NXPH1: variants seen among roughly 807,000 people sequenced by gnomAD.
NXPH1 encodes the protein neurexophilin-1.
Under a neutral mutation model 23.7 loss-of-function variants are expected in NXPH1, and 5 were observed. That is an observed-to-expected ratio of 0.21 (90% CI 0.11 to 0.44). The LOEUF (loss-of-function observed/expected upper bound fraction) is 0.44. Among genes scored for constraint, NXPH1 ranks in the 20% least tolerant of loss-of-function variants. The probability of loss-of-function intolerance (pLI) is 0.99; values close to 1 mark genes in which losing one functional copy is unlikely to be tolerated. For missense variants in NXPH1, 324 were observed against 321.6 expected (o/e 1.01, Z -0.06); for synonymous variants, 144 against 122.2 (o/e 1.18, Z -1.18).
chr7:8,606,610 C>T (rs1379341713), intron 2 of NXPH1, among the ~76,000 whole-genome samples: 1 of 152,084 alleles, frequency 6.6e-6, no homozygotes, highest in African/African-American at 2.4e-5. Context: ...GGTTTTTGAC[C>T]CTCCTTTTGT....
chr7:8,475,865 C>A (rs1816961398), intron 2 of NXPH1, among the ~76,000 whole-genome samples: 1 of 152,156 alleles, frequency 6.6e-6, no homozygotes, highest in Non-Finnish European at 1.5e-5. Flanking sequence ...TTATCTTGAA[C>A]TGGCATTTGA....
intron 2 of NXPH1, among the ~76,000 whole-genome samples, chr7:8,660,400 A>C (rs964609336): frequency 3.3e-5 from 5 of 152,186 alleles, no homozygotes; most frequent in African/African-American, 1.2e-4. Flanking sequence ...ACACGGGTGA[A>C]AGTTTTGAAA....
At position 8,435,786 on chromosome 7, in the gene NXPH1, G is replaced by C. The variant is rs760191562; in HGVS notation, c.54+19G>C. 29 of 1,613,402 alleles carry C rather than the reference G, an allele frequency of 1.8e-5. No individual in the cohort carries two copies. Among genetic ancestry groups the C allele is most frequent in the African/African-American group, 1.3e-5 (1 of 74,892 alleles). ...CTACTTGGTAAGTCTTGGAAGGTTCGGGGCTTTCGCATTTTTACCCCGGCC... is the reference window on the plus strand; with the variant it reads ...CTACTTGGTAAGTCTTGGAAGGTTCCGGGCTTTCGCATTTTTACCCCGGCC... On this transcript the variant is annotated intron_variant, in intron 2 of 2. Coordinates refer to ENST00000405863, the MANE Select transcript of NXPH1 (RefSeq NM_152745.3). The surrounding 1 kb of genome is among the most constrained non-coding windows in gnomAD (Gnocchi z 5.9).
At chr7:8,436,514 G>A (rs1816198820) in intron 2 of NXPH1, among the ~76,000 whole-genome samples, 1 of 152,202 alleles carries the variant, frequency 6.6e-6, no homozygotes, top group African/African-American at 2.4e-5. Flanking sequence ...GCTGGACTTT[G>A]TACACTGCTG....
chr7:8,590,768 AG>A (rs1265577711), intron 2 of NXPH1, among the ~76,000 whole-genome samples: 1 of 152,022 alleles, frequency 6.6e-6, no homozygotes, highest in Non-Finnish European at 1.5e-5. Flanking sequence ...TGAACTGGTA[AG>A]CAATTAGGAT....
intron 2 of NXPH1, among the ~76,000 whole-genome samples, chr7:8,710,335 G>A (rs868210597): frequency 6.6e-6 from 1 of 152,126 alleles, no homozygotes; most frequent in Non-Finnish European, 1.5e-5. Context: ...GGGGCAAATG[G>A]GCCTCCTTGC....
At chr7:8,669,721 C>G (rs1354216165) in intron 2 of NXPH1, among the ~76,000 whole-genome samples, 1 of 152,070 alleles carries the variant, frequency 6.6e-6, no homozygotes, top group Non-Finnish European at 1.5e-5. Context: ...CTGCTTTCTT[C>G]CCTCCCTTTC....
At chr7:8,679,376 C>T (rs77418172) in intron 2 of NXPH1, among the ~76,000 whole-genome samples, 2,256 of 152,208 alleles carry the variant, frequency 0.015, 31 homozygotes, top group Non-Finnish European at 0.025. Flanking sequence ...AATTGGGGTG[C>T]CGCACTGGAG....
At chr7:8,564,583 T>C (rs1456137969) in intron 2 of NXPH1, among the ~76,000 whole-genome samples, 1 of 151,774 alleles carries the variant, frequency 6.6e-6, no homozygotes, top group Non-Finnish European at 1.5e-5. Context: ...GCTTCCCCAC[T>C]GGATTGAACA....
chr7:8,450,697 T>C (rs1413638124), intron 2 of NXPH1, among the ~76,000 whole-genome samples: 1 of 152,270 alleles, frequency 6.6e-6, no homozygotes, highest in Non-Finnish European at 1.5e-5. Flanking sequence ...AATGTTCCAT[T>C]TTGCAGCAGT....
intron 2 of NXPH1, among the ~76,000 whole-genome samples, chr7:8,655,394 TTGTCTTTCTC>T (rs1418235496): frequency 1.7e-4 from 7 of 40,186 alleles, no homozygotes; most frequent in African/African-American, 4.9e-4. Context: ...GTCTTTGTCT[TTGTCTTTCTC>T]TCTCTCTCTC....
At chr7:8,627,588 T>C (rs1289988464) in intron 2 of NXPH1, among the ~76,000 whole-genome samples, 1 of 152,132 alleles carries the variant, frequency 6.6e-6, no homozygotes, top group Non-Finnish European at 1.5e-5. Flanking sequence ...AAGCATTTTA[T>C]TACTGACACT....
chr7:8,599,625 A>T (rs143382373), intron 2 of NXPH1, among the ~76,000 whole-genome samples: 2 of 152,074 alleles, frequency 1.3e-5, no homozygotes, highest in African/African-American at 4.8e-5. Context: ...TTCATTTCTT[A>T]CCTGCCTGTC....
chr7:8,614,048 A>G (rs1254138920), intron 2 of NXPH1, among the ~76,000 whole-genome samples: 1 of 151,732 alleles, frequency 6.6e-6, no homozygotes, highest in Non-Finnish European at 1.5e-5. Flanking sequence ...ACTATTTCTG[A>G]TTTGTTTTAC....
At chr7:8,583,064 C>A (rs140721554) in intron 2 of NXPH1, among the ~76,000 whole-genome samples, 96 of 152,116 alleles carry the variant, frequency 6.3e-4, no homozygotes, top group African/African-American at 1.8e-3. Flanking sequence ...ATACACTTGG[C>A]CGGGTTGTGA....
At chr7:8,464,053 T>A (rs1241625004) in intron 2 of NXPH1, among the ~76,000 whole-genome samples, 1 of 152,166 alleles carries the variant, frequency 6.6e-6, no homozygotes, top group Non-Finnish European at 1.5e-5. Context: ...TCTACCTTAG[T>A]GGCTCTTAAG....
chr7:8,741,060 T>A (rs1325251300), intron 2 of NXPH1, among the ~76,000 whole-genome samples: 1 of 152,174 alleles, frequency 6.6e-6, no homozygotes, highest in Non-Finnish European at 1.5e-5. Context: ...TTTCCTCCAT[T>A]CCCCAGCCTC....
At chr7:8,617,936 G>A (rs978475379) in intron 2 of NXPH1, among the ~76,000 whole-genome samples, 13 of 151,936 alleles carry the variant, frequency 8.6e-5, no homozygotes, top group African/African-American at 2.7e-4. Context: ...ATGTACCCAC[G>A]ACAATTAAAG....
At chr7:8,691,991 G>A (rs1254363011) in intron 2 of NXPH1, among the ~76,000 whole-genome samples, 2 of 151,914 alleles carry the variant, frequency 1.3e-5, no homozygotes, top group Admixed American at 6.6e-5. Context: ...CAATGATCTG[G>A]GGAGATACTT....
Sources: gnomAD v4.1 joint callset for allele counts (sites outside exome capture counted in the v4.1 genomes callset) on GRCh38, gnomAD v4.1.1 for gene constraint, Gnocchi (gnomAD v3.1) non-coding constraint, MANE v1.5 for transcripts, NCBI Gene and HGNC (gene_info 2026-07-23, HGNC 2026-07-21) for gene names.